The following ADGB variants were observed in gnomAD, a reference collection of about 807,000 sequenced individuals.
ADGB encodes calpain-7-like protein.
ADGB carries 172 observed loss-of-function variants against 210.5 expected under a neutral mutation model. That is an observed-to-expected ratio of 0.82 (90% CI 0.72 to 0.93). The LOEUF is 0.93. Among genes scored for constraint, ADGB ranks in the 40% least tolerant of loss-of-function variants. The pLI, the probability that ADGB is intolerant of heterozygous loss-of-function variation, is 0.00. For missense variants in ADGB, 2,025 were observed against 1,964.8 expected (o/e 1.03, Z -0.58); for synonymous variants, 658 against 662.7 (o/e 0.99, Z 0.11).
chr6:146,752,005 G>C (rs1251978954), intron 26 of ADGB, among the ~76,000 whole-genome samples: 1 of 152,042 alleles, frequency 6.6e-6, no homozygotes, highest in East Asian at 1.9e-4. Context: ...TTACTTTTAG[G>C]TTATCATATC....
rs1165679236 is a variant in ADGB, at chr6:146,781,948, T to TCCCCTGTGAAA, written c.3863-69_3863-68insCTGTGAAACCC. 4 of 1,117,784 alleles carry TCCCCTGTGAAA rather than the reference T, an allele frequency of 3.6e-6. No individual in the cohort carries two copies. The East Asian group carries it at 9.2e-5, about 26-fold the overall frequency. The allele number at this position is 1,117,784 out of a possible 1,614,324, so 69.2% of individuals were successfully genotyped here. ...CTTAACCATATGTCCCTGAGTTGATTCCCTTGTCCCCTGTGAAACCATTTT... is the reference window on the plus strand; with the variant it reads ...CTTAACCATATGTCCCTGAGTTGATTCCCCTGTGAAACCCTTGTCCCCTGTGAAACCATTTT... On this transcript the variant is annotated intron_variant, in intron 29 of 35. Coordinates refer to ENST00000397944, the MANE Select transcript of ADGB (RefSeq NM_024694.4).
At position 146,710,695 on chromosome 6, in the gene ADGB, T is replaced by A. The variant is rs192992909; in HGVS notation, c.1708-4687T>A. Among the ~76,000 whole-genome samples, 1,182 of 151,120 alleles carry A rather than the reference T, an allele frequency of 7.8e-3. 18 individuals are homozygous for A. The highest frequency in any genetic ancestry group is 0.055 in the East Asian group (284 of 5,160). ...TATCTGTCAACATTTTTTGAAATTT[T>A]AAAAAAAAAATTTAAATTATTGATT... is the stretch of plus-strand genomic sequence containing the variant. On this transcript the variant is annotated intron_variant, in intron 13 of 35. Transcript: ENST00000397944.
At chr6:146,645,309 GAACACTTT>G (rs1221111842) in intron 3 of ADGB, among the ~76,000 whole-genome samples, 4 of 151,940 alleles carry the variant, frequency 2.6e-5, no homozygotes, top group Non-Finnish European at 5.9e-5. Context: ...ATTTTCCAGA[GAACACTTT>G]TATTTCTGGA....
intron 1 of ADGB, among the ~76,000 whole-genome samples, chr6:146,629,177 AC>A (rs759512276): frequency 1.8e-4 from 28 of 152,292 alleles, no homozygotes; most frequent in Non-Finnish European, 4.0e-4. Context: ...AATTAATGAG[AC>A]CGGAATAATG....
intron 10 of ADGB, among the ~76,000 whole-genome samples, chr6:146,688,309 G>A (rs1310330638): frequency 6.6e-6 from 1 of 152,028 alleles, no homozygotes; most frequent in East Asian, 1.9e-4. Flanking sequence ...ATGAATGAAA[G>A]ACATAACAGA....
chr6:146,612,841 C>G (rs903349503), intron 1 of ADGB, among the ~76,000 whole-genome samples: 2 of 152,100 alleles, frequency 1.3e-5, no homozygotes, highest in African/African-American at 4.8e-5. Flanking sequence ...CAGCCCCTAC[C>G]TACTCTCTAC....
At chr6:146,642,053 T>A (rs919708577) in intron 2 of ADGB, among the ~76,000 whole-genome samples, 4 of 151,964 alleles carry the variant, frequency 2.6e-5, no homozygotes, top group African/African-American at 9.7e-5. Context: ...TAAACACATT[T>A]ACAAGAGAAA....
chr6:146,636,384 A>G (rs559022425), intron 2 of ADGB, among the ~76,000 whole-genome samples: 2 of 152,186 alleles, frequency 1.3e-5, no homozygotes, highest in Admixed American at 1.3e-4. Context: ...TCAATTTGTT[A>G]ACAAAAGGTA....
rs201844515 is a variant in ADGB, at chr6:146,795,664, T to A, written c.4538-5519T>A. Among the ~76,000 whole-genome samples, 51 of 152,274 alleles carry A rather than the reference T, an allele frequency of 3.3e-4. No individual in the cohort carries two copies. The East Asian group carries it at 8.7e-3, about 26-fold the overall frequency. On this transcript the variant is annotated intron_variant, in intron 33 of 35. Coordinates refer to ENST00000397944, the MANE Select transcript of ADGB (RefSeq NM_024694.4). ...AGCCTGACAGATGCTGGTCAGGTTGTGGAGAAAAAGGAACACTTATACATT... is the reference window on the plus strand; with the variant it reads ...AGCCTGACAGATGCTGGTCAGGTTGAGGAGAAAAAGGAACACTTATACATT...
At chr6:146,705,837 A>G (rs1446625373) in intron 13 of ADGB, among the ~76,000 whole-genome samples, 1 of 152,082 alleles carries the variant, frequency 6.6e-6, no homozygotes, top group African/African-American at 2.4e-5. Context: ...TTTTTGGAAG[A>G]CTTTGAGAAG....
At chr6:146,735,072 A>T (rs1777059661) in intron 22 of ADGB, among the ~76,000 whole-genome samples, 1 of 152,090 alleles carries the variant, frequency 6.6e-6, no homozygotes, top group African/African-American at 2.4e-5. Context: ...ACATTTAATG[A>T]TAATATTTAA....
chr6:146,628,301 A>C (rs540812625), intron 1 of ADGB, among the ~76,000 whole-genome samples: 28 of 152,012 alleles, frequency 1.8e-4, no homozygotes, highest in African/African-American at 6.5e-4. Context: ...TGCAACTTTC[A>C]GATCTGATGA....
At chr6:146,765,500 A>T (rs1777559302) in intron 28 of ADGB, among the ~76,000 whole-genome samples, 1 of 151,840 alleles carries the variant, frequency 6.6e-6, no homozygotes, top group South Asian at 2.1e-4. Flanking sequence ...AATCCAAACT[A>T]TCCCTATCAT....
At chr6:146,655,626 AT>A (rs200607422) in intron 4 of ADGB, among the ~76,000 whole-genome samples, 2,152 of 152,250 alleles carry the variant, frequency 0.014, 44 homozygotes, top group African/African-American at 0.047. Flanking sequence ...AAAATATTAT[AT>A]TTCTTCAACC....
intron 27 of ADGB, among the ~76,000 whole-genome samples, chr6:146,754,634 C>A (rs1170532721): frequency 6.6e-6 from 1 of 151,782 alleles, no homozygotes; most frequent in African/African-American, 2.4e-5. Flanking sequence ...TTTTCTTTAA[C>A]CTTAGCATTT....
At chr6:146,641,824 C>G (rs1248051036) in intron 2 of ADGB, among the ~76,000 whole-genome samples, 2 of 152,006 alleles carry the variant, frequency 1.3e-5, no homozygotes, top group Non-Finnish European at 2.9e-5. Context: ...CTAGGCAATA[C>G]CATCCTGGAC....
At position 146,644,881 on chromosome 6, in the gene ADGB, C is replaced by T. The variant is rs1775584434; in HGVS notation, c.330+16C>T. On this transcript the variant is annotated intron_variant, in intron 3 of 35. Coordinates refer to ENST00000397944, the MANE Select transcript of ADGB (RefSeq NM_024694.4). ...ATTTAGTCAGGTAAGAAAGTTTTTT[C>T]TATTAAATAAAATACTTACTATGTG... is the stretch of plus-strand genomic sequence containing the variant. 7.1e-7 allele frequency: 1 copy of T among 1,403,986 alleles called. No individual in the cohort carries two copies. The highest frequency in any genetic ancestry group is 1.5e-5 in the African/African-American group (1 of 67,784). The allele number at this position is 1,403,986 out of a possible 1,614,324, so 87.0% of individuals were successfully genotyped here.
intron 35 of ADGB, among the ~76,000 whole-genome samples, chr6:146,808,068 C>T (rs1201389141): frequency 1.5e-5 from 2 of 133,874 alleles, no homozygotes; most frequent in Non-Finnish European, 3.1e-5. Flanking sequence ...GGTGTAATCT[C>T]GGCTCTCTGC....
chr6:146,666,332 A>G (rs1775936632), intron 6 of ADGB, among the ~76,000 whole-genome samples: 1 of 152,088 alleles, frequency 6.6e-6, no homozygotes, highest in Non-Finnish European at 1.5e-5. Context: ...TGTACAGGAC[A>G]GAACAGATGT....
Sources: gnomAD v4.1 joint callset for allele counts (sites outside exome capture counted in the v4.1 genomes callset) on GRCh38, gnomAD v4.1.1 for gene constraint, MANE v1.5 for transcripts, NCBI Gene and HGNC (gene_info 2026-07-23, HGNC 2026-07-21) for gene names.